Variants in ELMO1 observed in about 807,000 individuals in gnomAD.
ELMO1 encodes engulfment and cell motility protein 1.
ELMO1 carries 26 observed loss-of-function variants against 98.9 expected under a neutral mutation model. The observed-to-expected ratio is 0.26, with a 90% CI of 0.19 to 0.36. ELMO1 has a LOEUF of 0.36. Ranked by LOEUF, ELMO1 falls within the 10% of genes least tolerant of loss-of-function variation. ELMO1 has a pLI of 1.00. For synonymous variants in ELMO1, 346 were observed against 346.0 expected (o/e 1.00, Z 0.00); for missense variants, 627 against 935.2 (o/e 0.67, Z 4.30).
In ELMO1 at chr7:37,321,859, T is replaced by C. The variant is rs868695130; in HGVS notation, c.79-5899A>G. On this transcript the variant is annotated intron_variant, in intron 2 of 21. Transcript: ENST00000310758. ...AAAAGGAACTAAAAAGTAACTCCCTTTTTTTTTTTTTTTTTGTAAACGGAG... is the reference window on the plus strand; with the variant it reads ...AAAAGGAACTAAAAAGTAACTCCCTCTTTTTTTTTTTTTTTGTAAACGGAG... Among the ~76,000 whole-genome samples the C allele has an allele frequency of 1.1e-3, 135 of 121,836 alleles. 2 individuals are homozygous for C. In the East Asian group the frequency reaches 0.013, roughly 12 times the overall value. The allele number at this position is 121,836 out of a possible 152,430, so 79.9% of individuals were successfully genotyped here.
chr7:36,963,499 C>T (rs1206004817), intron 16 of ELMO1, among the ~76,000 whole-genome samples: 1 of 152,074 alleles, frequency 6.6e-6, no homozygotes, highest in Non-Finnish European at 1.5e-5. Context: ...GTGTGATACT[C>T]CCCTCACACA....
intron 5 of ELMO1, among the ~76,000 whole-genome samples, chr7:37,268,736 CAAATGA>C (rs1284640889): frequency 6.6e-6 from 1 of 152,226 alleles, no homozygotes; most frequent in Non-Finnish European, 1.5e-5. Context: ...AGGCCTATTA[CAAATGA>C]ATTAAACAGT....
intron 13 of ELMO1, among the ~76,000 whole-genome samples, chr7:37,210,646 A>G (rs1432436508): frequency 6.6e-6 from 1 of 151,944 alleles, no homozygotes; most frequent in Non-Finnish European, 1.5e-5. Context: ...CCAAGGAAAG[A>G]GTATTTGGAA....
chr7:36,957,103 G>A (rs1361192351), intron 16 of ELMO1, among the ~76,000 whole-genome samples: 1 of 152,230 alleles, frequency 6.6e-6, no homozygotes, highest in East Asian at 1.9e-4. Flanking sequence ...ATGTAAATAT[G>A]AAGTGCTCTC....
At chr7:37,011,234 T>C (rs971710620) in intron 16 of ELMO1, among the ~76,000 whole-genome samples, 1 of 152,228 alleles carries the variant, frequency 6.6e-6, no homozygotes, top group African/African-American at 2.4e-5. Context: ...GGGGGCTTGC[T>C]GTCACCTGGC....
chr7:36,961,015 T>G (rs1788898056), intron 16 of ELMO1, among the ~76,000 whole-genome samples: 1 of 152,216 alleles, frequency 6.6e-6, no homozygotes, highest in Admixed American at 6.5e-5. Flanking sequence ...TCTCGGCTCC[T>G]TAAAACCATC....
At chr7:36,899,750 A>C (rs1806351275) in intron 16 of ELMO1, among the ~76,000 whole-genome samples, 1 of 138,834 alleles carries the variant, frequency 7.2e-6, no homozygotes, top group Non-Finnish European at 1.5e-5. Context: ...AAAAGTTTTA[A>C]ATTGGATAAT....
At chr7:37,307,871 G>A (rs1798692472) in intron 4 of ELMO1, among the ~76,000 whole-genome samples, 1 of 152,146 alleles carries the variant, frequency 6.6e-6, no homozygotes, top group Non-Finnish European at 1.5e-5. Context: ...CAGCACTGTG[G>A]GAGGCCGAGG....
chr7:37,000,364 G>A (rs1792565304), intron 16 of ELMO1, among the ~76,000 whole-genome samples: 1 of 152,170 alleles, frequency 6.6e-6, no homozygotes, highest in Non-Finnish European at 1.5e-5. Context: ...AAAGCCATAT[G>A]CCATACACCT....
intron 5 of ELMO1, among the ~76,000 whole-genome samples, chr7:37,268,784 G>A (rs1268154583): frequency 6.6e-6 from 1 of 152,256 alleles, no homozygotes; most frequent in Non-Finnish European, 1.5e-5. Context: ...TCTAGTATTA[G>A]TGACCATTTC....
At chr7:37,240,739 T>C (rs889125945) in intron 7 of ELMO1, among the ~76,000 whole-genome samples, 1 of 152,212 alleles carries the variant, frequency 6.6e-6, no homozygotes, top group African/African-American at 2.4e-5. Flanking sequence ...TCTTTGATAG[T>C]ATGAAAGAGT....
At chr7:37,243,078 C>T (rs542834055) in intron 7 of ELMO1, among the ~76,000 whole-genome samples, 2 of 152,268 alleles carry the variant, frequency 1.3e-5, no homozygotes, top group East Asian at 1.9e-4. Flanking sequence ...TCTGATTGTG[C>T]TACTGTGCCA....
intron 1 of ELMO1, among the ~76,000 whole-genome samples, chr7:37,344,559 T>A (rs1800900219): frequency 6.6e-6 from 1 of 152,176 alleles, no homozygotes; most frequent in Non-Finnish European, 1.5e-5. Context: ...ATTTTGCACA[T>A]ATGCAAGTAC....
intron 14 of ELMO1, 41 bp from the exon 15 acceptor site, chr7:37,096,768 T>C (rs781612101): frequency 8.4e-6 from 13 of 1,545,408 alleles, no homozygotes; most frequent in Non-Finnish European, 1.2e-5. Flanking sequence ...GAAATTCAAT[T>C]GTGGAAAACA....
chr7:37,130,767 G>A (rs1341525741), intron 14 of ELMO1, among the ~76,000 whole-genome samples: 2 of 152,096 alleles, frequency 1.3e-5, no homozygotes, highest in Admixed American at 6.6e-5. Flanking sequence ...TTGTGTGTGT[G>A]TGTGTGTGTT....
At chr7:37,217,765 G>A (rs544321757) in intron 10 of ELMO1, 48 of 456,882 alleles carry the variant, frequency 1.1e-4, no homozygotes, top group Non-Finnish European at 1.8e-4. Context: ...ACCTAACGGC[G>A]TCATCGCCAC....
intron 13 of ELMO1, among the ~76,000 whole-genome samples, chr7:37,194,412 A>G (rs1448176818): frequency 1.3e-5 from 2 of 152,132 alleles, no homozygotes. Flanking sequence ...CCTGTGCTCC[A>G]CACCTTTTCT....
At chr7:37,219,734 T>TG (rs981246949) in intron 10 of ELMO1, among the ~76,000 whole-genome samples, 49 of 152,240 alleles carry the variant, frequency 3.2e-4, no homozygotes, top group Admixed American at 2.0e-3. Context: ...CTCAGTAACC[T>TG]GGTCAAGTTC....
intron 16 of ELMO1, among the ~76,000 whole-genome samples, chr7:36,978,078 T>C (rs1350012168): frequency 6.6e-6 from 1 of 152,138 alleles, no homozygotes; most frequent in Non-Finnish European, 1.5e-5. Context: ...TCAGCAAACA[T>C]TGATTGTTGA....
Sources: allele counts gnomAD v4.1 joint callset (sites outside exome capture counted in the v4.1 genomes callset), GRCh38; gene constraint gnomAD v4.1.1; transcripts MANE v1.5; gene names NCBI Gene and HGNC (gene_info 2026-07-23, HGNC 2026-07-21).